B3GALNT2: variants seen among roughly 807,000 people sequenced by gnomAD.
The protein encoded by B3GALNT2 is beta-1,3-N-acetylgalactosaminyltransferase 2.
B3GALNT2 carries 53 observed loss-of-function variants against 61.1 expected under a neutral mutation model. The observed-to-expected ratio is 0.87, with a 90% confidence interval of 0.70 to 1.09. The LOEUF (loss-of-function observed/expected upper bound fraction) is 1.09, where lower values mean the gene tolerates loss of function less well. B3GALNT2 is among the 50% of genes least tolerant of loss of function. The pLI is 0.00. For synonymous variants in B3GALNT2, 223 were observed against 237.4 expected, an observed-to-expected ratio of 0.94 and a Z score of 0.56; for missense variants, 544 against 623.0, an observed-to-expected ratio of 0.87 and a Z score of 1.35.
intron 1 of B3GALNT2, among the ~76,000 whole-genome samples, chr1:235,499,230 T>C (rs1479347147): frequency 1.3e-5 from 2 of 152,242 alleles, no homozygotes; most frequent in Non-Finnish European, 1.5e-5. Flanking sequence ...ACTATGTAGA[T>C]ACTAGACGGT....
Position 235,450,158 on chromosome 1 carries a change from T to C in B3GALNT2, c.*48A>G, listed in dbSNP as rs749905929. 1 of 1,607,934 alleles carries C rather than the reference T, an allele frequency of 6.2e-7. No individual in the cohort carries two copies. Among genetic ancestry groups the C allele is most frequent in the Admixed American group, 1.7e-5 (1 of 60,008 alleles). ...GGGACTCCTCAGACTTGCACTCAGA[T>C]TATCGTTTGCCTGCCCTGATTTTAG... On this transcript the variant is annotated 3_prime_UTR_variant, in exon 12 of 12. Transcript: ENST00000366600.
chr1:235,468,489 T>G (rs1683829070), intron 6 of B3GALNT2, among the ~76,000 whole-genome samples: 1 of 140,700 alleles, frequency 7.1e-6, no homozygotes, highest in Non-Finnish European at 1.5e-5. Context: ...AGTCTCGCAC[T>G]GTAGCCAGGC....
At position 235,504,373 on chromosome 1, in the gene B3GALNT2, C is replaced by A. The variant is rs1318201172; in HGVS notation, c.-121G>T. ...ACCACTCCGAGCACGCCCGCCCTCG[C>A]GCTCGGCGACGTCTGGGGGGCTCCT... On this transcript the variant is annotated 5_prime_UTR_variant, in exon 1 of 12. Coordinates refer to ENST00000366600, the MANE Select transcript of B3GALNT2 (RefSeq NM_152490.5). 317 of 1,140,680 alleles carry A rather than the reference C, an allele frequency of 2.8e-4. 1 individual carries two copies. Among genetic ancestry groups the A allele is most frequent in the East Asian group, 1.4e-3 (41 of 29,068 alleles). 70.7% of individuals were successfully genotyped at this position (1,140,680 alleles called of 1,614,324 possible). A position where few individuals can be genotyped will look rare whatever the true frequency, so the allele number is the denominator to read the frequency against.
chr1:235,458,514 T>C, intron 8 of B3GALNT2, 89 bp downstream of exon 8: 1 of 1,456,078 alleles, frequency 6.9e-7, no homozygotes, highest in East Asian at 2.5e-5. Context: ...TAGTAAGGGG[T>C]TTCCTTACAG....
At chr1:235,441,560 G>T in the B3GALNT2 span, 1 of 518,260 alleles carries the variant, frequency 1.9e-6, no homozygotes. Flanking sequence ...GTCTTTTGTT[G>T]AGTTTCACTG....
intron 11 of B3GALNT2, chr1:235,451,959 G>A (rs1042674574): frequency 1.3e-5 from 2 of 151,782 alleles, no homozygotes; most frequent in Admixed American, 6.6e-5. Context: ...TATTTTTATC[G>A]GTCAGAAGGG....
intron 7 of B3GALNT2, 94 bp downstream of exon 7, chr1:235,465,541 TA>T: frequency 1.3e-6 from 2 of 1,526,246 alleles, no homozygotes; most frequent in Non-Finnish European, 1.8e-6. Context: ...TAAAGTTTTT[TA>T]AAAGACAAAA....
chr1:235,484,909 T>C (rs560631372), intron 3 of B3GALNT2, among the ~76,000 whole-genome samples: 1 of 152,224 alleles, frequency 6.6e-6, no homozygotes, highest in Non-Finnish European at 1.5e-5. Context: ...GTAAATTTGG[T>C]CTTACTGTGC....
chr1:235,467,736 T>C (rs2102808635), intron 6 of B3GALNT2, among the ~76,000 whole-genome samples: 1 of 151,570 alleles, frequency 6.6e-6, no homozygotes, highest in East Asian at 1.9e-4. Context: ...TGTCTCGGCC[T>C]CCTAAAGTGC....
At chr1:235,451,373 T>C (rs1682887485) in intron 11 of B3GALNT2, 1 of 150,584 alleles carries the variant, frequency 6.6e-6, no homozygotes, top group South Asian at 2.1e-4. Context: ...ATGGTAGTAT[T>C]CCTAGATGCA....
At chr1:235,455,820 T>C (rs1183639741) in intron 8 of B3GALNT2, 136 bp from the exon 9 acceptor site, 15 of 1,153,714 alleles carry the variant, frequency 1.3e-5, no homozygotes, top group African/African-American at 1.2e-4. Context: ...TTGAGAACAT[T>C]TGCTCTAACA....
chr1:235,492,693 T>C (rs1043449944), intron 2 of B3GALNT2, among the ~76,000 whole-genome samples: 3 of 152,042 alleles, frequency 2.0e-5, no homozygotes, highest in African/African-American at 7.2e-5. Flanking sequence ...TGATAAGTGT[T>C]ACCAAAAAAA....
chr1:235,473,292 G>A (rs368892048), intron 5 of B3GALNT2, among the ~76,000 whole-genome samples: 11 of 152,164 alleles, frequency 7.2e-5, no homozygotes, highest in Admixed American at 2.6e-4. Flanking sequence ...CCAAGAGTCC[G>A]GATTCCTCAG....
At chr1:235,491,045 T>C (rs1384438804) in intron 2 of B3GALNT2, among the ~76,000 whole-genome samples, 1 of 150,578 alleles carries the variant, frequency 6.6e-6, no homozygotes, top group Non-Finnish European at 1.5e-5. Flanking sequence ...TTAAGCTTAA[T>C]GTGATGTGTC....
In B3GALNT2 at chr1:235,448,368, G is replaced by A. The variant is rs920252384; in HGVS notation, c.*1838C>T. On this transcript the variant is annotated 3_prime_UTR_variant, in exon 12 of 12. Transcript: ENST00000366600. ...TGATAGGCTCCATGACAATTCAAAAGGTGAAGGGATTGCTGTCACGTCTTC... is the reference window on the plus strand; with the variant it reads ...TGATAGGCTCCATGACAATTCAAAAAGTGAAGGGATTGCTGTCACGTCTTC... 1 of 1,614,132 alleles carries A rather than the reference G, an allele frequency of 6.2e-7. No individual in the cohort carries two copies. The highest frequency in any genetic ancestry group is 1.3e-5 in the African/African-American group (1 of 75,050).
chr1:235,479,062 A>C (rs1046731075), intron 5 of B3GALNT2: 5 of 152,244 alleles, frequency 3.3e-5, no homozygotes, highest in African/African-American at 1.2e-4. Context: ...ACAAATGAAA[A>C]GGAGATCCCT....
At chr1:235,491,326 G>A (rs1365091927) in intron 2 of B3GALNT2, among the ~76,000 whole-genome samples, 1 of 152,188 alleles carries the variant, frequency 6.6e-6, no homozygotes, top group Non-Finnish European at 1.5e-5. Flanking sequence ...AGCGTTCTAT[G>A]AGAATCAACT....
At chr1:235,441,593 A>C in the B3GALNT2 span, 1 of 567,410 alleles carries the variant, frequency 1.8e-6, no homozygotes, top group African/African-American at 1.9e-5. Flanking sequence ...GAGCTAGATA[A>C]GCTACAGAGT....
At position 235,448,354 on chromosome 1, in the gene B3GALNT2, A is replaced by C. The variant is rs1682605180; in HGVS notation, c.*1852T>G. ...CTTTTCTTGTCTTTTGATAGGCTCC[A>C]TGACAATTCAAAAGGTGAAGGGATT... On this transcript the variant is annotated 3_prime_UTR_variant, in exon 12 of 12. Coordinates refer to ENST00000366600, the MANE Select transcript of B3GALNT2 (RefSeq NM_152490.5). The C allele has an allele frequency of 6.2e-7, 1 of 1,613,862 alleles. No individual in the cohort carries two copies. Among genetic ancestry groups the C allele is most frequent in the Admixed American group, 1.7e-5 (1 of 59,980 alleles).
Sources: gnomAD v4.1 joint callset for allele counts (sites outside exome capture counted in the v4.1 genomes callset) on GRCh38, gnomAD v4.1.1 for gene constraint, MANE v1.5 for transcripts, NCBI Gene and HGNC (gene_info 2026-07-23, HGNC 2026-07-21) for gene names.